Variants in CTDSPL2 observed in about 807,000 individuals in gnomAD.
CTDSPL2 encodes CTD small phosphatase like 2.
CTDSPL2 carries 5 observed loss-of-function variants against 60.0 expected under a neutral mutation model. The ratio of observed to expected loss-of-function variants is 0.08; its 90% CI spans 0.04 to 0.18. The LOEUF is 0.18. Among genes scored for constraint, CTDSPL2 ranks in the 10% least tolerant of loss-of-function variants. The probability of loss-of-function intolerance (pLI) is 1.00; values close to 1 mark genes in which losing one functional copy is unlikely to be tolerated. For synonymous variants in CTDSPL2, 186 were observed against 189.3 expected (o/e 0.98, Z 0.14); for missense variants, 370 against 548.8 (o/e 0.67, Z 3.26).
chr15:44,460,517 T>C (rs990032134), intron 2 of CTDSPL2, among the ~76,000 whole-genome samples: 1 of 152,214 alleles, frequency 6.6e-6, no homozygotes, highest in Non-Finnish European at 1.5e-5. Flanking sequence ...ATTTATATGG[T>C]AAATTTTTCA....
intron 4 of CTDSPL2, 64 bp downstream of exon 4, chr15:44,486,764 T>G (rs182621330): frequency 0.013 from 16,439 of 1,237,732 alleles, 82 homozygotes; most frequent in Non-Finnish European, 0.016. Flanking sequence ...TTGGGTTTTT[T>G]TTTTTTTTTT....
At chr15:44,444,980 T>C (rs1012220842) in intron 1 of CTDSPL2, among the ~76,000 whole-genome samples, 1 of 150,384 alleles carries the variant, frequency 6.6e-6, no homozygotes, top group Non-Finnish European at 1.5e-5. Context: ...CCCGAGTAGC[T>C]GGGACTACAG....
rs146848629 is a variant in CTDSPL2, at chr15:44,504,727, G to A, written c.969+4914G>A. 2.2e-3 allele frequency among the ~76,000 whole-genome samples: 339 copies of A among 151,866 alleles called. 1 individual carries two copies. The highest frequency in any genetic ancestry group is 7.9e-3 in the African/African-American group (326 of 41,390). ...CCCTTCCAAAAAAAAAAAATTAGCCGGGCATGGTGGGGAGCACCTATAGTC... is the reference window on the plus strand; with the variant it reads ...CCCTTCCAAAAAAAAAAAATTAGCCAGGCATGGTGGGGAGCACCTATAGTC... On this transcript the variant is annotated intron_variant, in intron 8 of 12. Coordinates refer to ENST00000260327, the MANE Select transcript of CTDSPL2 (RefSeq NM_016396.3).
chr15:44,461,920 C>T (rs775248081), intron 2 of CTDSPL2, among the ~76,000 whole-genome samples: 4 of 151,892 alleles, frequency 2.6e-5, no homozygotes, highest in Non-Finnish European at 5.9e-5. Context: ...ACAGTTCAAA[C>T]CCAGGTTGTT....
chr15:44,497,389 G>A (rs952123685), intron 7 of CTDSPL2, among the ~76,000 whole-genome samples: 2 of 151,900 alleles, frequency 1.3e-5, no homozygotes, highest in Non-Finnish European at 2.9e-5. Context: ...TTTTTGAGAT[G>A]GAGTCTCGCT....
intron 8 of CTDSPL2, among the ~76,000 whole-genome samples, chr15:44,512,639 AATGTTTCAGG>A (rs1429547125): frequency 4.6e-5 from 7 of 152,238 alleles, no homozygotes; most frequent in African/African-American, 1.7e-4. Context: ...AACTACACCA[AATGTTTCAGG>A]ATGAAAATGT....
intron 8 of CTDSPL2, among the ~76,000 whole-genome samples, chr15:44,506,989 A>G (rs1398099458): frequency 2.0e-5 from 3 of 150,892 alleles, no homozygotes; most frequent in African/African-American, 7.3e-5. Flanking sequence ...GGACGGTCTC[A>G]ATCTCCTGAC....
At position 44,497,072 on chromosome 15, in the gene CTDSPL2, A is replaced by G. The variant is rs748164243; in HGVS notation, c.816A>G (p.Leu272=). The G allele has an allele frequency of 3.7e-6, 6 of 1,611,760 alleles. No homozygotes were observed. The East Asian group carries it at 1.1e-4, about 30-fold the overall frequency. Reference sequence around the variant, plus strand: ...TCCCGCCACTGACAGAAGAACAACTAAATAGGAAACCTGCTCTTCCGTTGA... The same window carrying G: ...TCCCGCCACTGACAGAAGAACAACTGAATAGGAAACCTGCTCTTCCGTTGA... The part of the protein sequence containing the change: ...KHVPPLTEEQ[L]NRKPALPLKT... Residue 272 remains leucine, a synonymous_variant, in exon 7 of 13, where the codon CTA becomes CTG. Coordinates refer to ENST00000260327, the MANE Select transcript of CTDSPL2 (RefSeq NM_016396.3).
chr15:44,500,024 A>G (rs1008701785), intron 8 of CTDSPL2, among the ~76,000 whole-genome samples: 1 of 152,180 alleles, frequency 6.6e-6, no homozygotes, highest in Non-Finnish European at 1.5e-5. Flanking sequence ...CAAAAATGCT[A>G]ACTTTCTTAC....
chr15:44,520,236 C>T (rs1272241730), intron 11 of CTDSPL2: 3 of 151,488 alleles, frequency 2.0e-5, no homozygotes, highest in African/African-American at 4.9e-5. Flanking sequence ...GCAGCCTCCA[C>T]CTCCCGGGTT....
At chr15:44,433,566 T>A (rs2079908329) in intron 1 of CTDSPL2, among the ~76,000 whole-genome samples, 1 of 151,296 alleles carries the variant, frequency 6.6e-6, no homozygotes, top group African/African-American at 2.4e-5. Flanking sequence ...CACTGCAACC[T>A]CCGCCTCCCT....
At chr15:44,523,062 T>C (rs899732507) in intron 12 of CTDSPL2, among the ~76,000 whole-genome samples, 3 of 151,908 alleles carry the variant, frequency 2.0e-5, no homozygotes, top group African/African-American at 7.3e-5. Flanking sequence ...AGTGGCGCAA[T>C]CTCGGCTCAC....
chr15:44,496,714 G>A (rs2081306585), intron 6 of CTDSPL2, among the ~76,000 whole-genome samples: 3 of 152,138 alleles, frequency 2.0e-5, no homozygotes, highest in African/African-American at 7.2e-5. Context: ...TACAGAAATT[G>A]GCCGGACACG....
rs2081893398 is a variant in CTDSPL2 at position 44,527,470 on chromosome 15, A to G, written c.*3296A>G. ...AGAAAGCATTTCATTATTCCTACAG[A>G]TCTTTCCTGCGAGCACAGAATTCTT... On this transcript the variant is annotated 3_prime_UTR_variant, in exon 13 of 13. Transcript: ENST00000260327. 1 of 152,150 alleles carries G rather than the reference A, an allele frequency of 6.6e-6. No homozygotes were observed. The highest frequency in any genetic ancestry group is 2.4e-5 in the African/African-American group (1 of 41,452). The allele number at this position is 152,150 out of a possible 1,614,324, so 9.4% of individuals were successfully genotyped here.
At chr15:44,440,638 A>C (rs1250045751) in intron 1 of CTDSPL2, among the ~76,000 whole-genome samples, 1 of 151,984 alleles carries the variant, frequency 6.6e-6, no homozygotes, top group Non-Finnish European at 1.5e-5. Context: ...CTTTGCAAAA[A>C]ATTTAATTTC....
intron 1 of CTDSPL2, chr15:44,447,585 A>T (rs1203033822): frequency 1.3e-5 from 2 of 152,902 alleles, no homozygotes; most frequent in Non-Finnish European, 2.9e-5. Context: ...ATTTCTATCG[A>T]TTTGCCCATC....
chr15:44,455,296 CT>C (rs2080411549), intron 1 of CTDSPL2, among the ~76,000 whole-genome samples: 1 of 152,192 alleles, frequency 6.6e-6, no homozygotes, highest in Non-Finnish European at 1.5e-5. Flanking sequence ...GCTGAAGTTG[CT>C]TATCAGCTTA....
At chr15:44,521,273 A>C in intron 11 of CTDSPL2, 38 bp from the exon 12 acceptor site, 1 of 1,011,172 alleles carries the variant, frequency 9.9e-7, no homozygotes, top group South Asian at 1.4e-5. Flanking sequence ...GGTAAAATAT[A>C]AGTAAAAGAG....
rs149095265 is a variant in CTDSPL2, at chr15:44,434,979, C to T, written c.-25+7207C>T. Among the ~76,000 whole-genome samples, 39 of 152,174 alleles carry T rather than the reference C, an allele frequency of 2.6e-4. No homozygotes were observed. In the East Asian group the frequency reaches 6.8e-3, roughly 26 times the overall value. Reference sequence around the variant, plus strand: ...TTGTGAATAGGATTAAAATAACCTTCGACCAGACACAGTGGCGCACGCCTG... The same window carrying T: ...TTGTGAATAGGATTAAAATAACCTTTGACCAGACACAGTGGCGCACGCCTG... On this transcript the variant is annotated intron_variant, in intron 1 of 12. Transcript: ENST00000260327.
Sources: gnomAD v4.1 joint callset for allele counts (sites outside exome capture counted in the v4.1 genomes callset) on GRCh38, gnomAD v4.1.1 for gene constraint, MANE v1.5 for transcripts, NCBI Gene and HGNC (gene_info 2026-07-23, HGNC 2026-07-21) for gene names.